Variants in UPF2 observed in about 807,000 individuals in gnomAD.
UPF2 encodes UPF2 regulator of nonsense mediated mRNA decay, also known as regulator of nonsense transcripts 2.
Under a neutral mutation model 141.4 loss-of-function variants are expected in UPF2, and 17 were observed. That is an observed-to-expected ratio of 0.12 (90% CI 0.08 to 0.18). UPF2 has a LOEUF of 0.18. Ranked by LOEUF, UPF2 falls within the 10% of genes least tolerant of loss-of-function variation. The pLI is 1.00. For synonymous variants in UPF2, 540 were observed against 498.0 expected (o/e 1.08, Z -1.12); for missense variants, 1,152 against 1,515.9 (o/e 0.76, Z 3.99).
intron 9 of UPF2, among the ~76,000 whole-genome samples, chr10:11,971,899 G>A (rs1321975454): frequency 2.6e-5 from 4 of 151,760 alleles, no homozygotes; most frequent in Non-Finnish European, 4.4e-5. Flanking sequence ...CCCTGTCTCT[G>A]CTAAAAGTAC....
intron 9 of UPF2, among the ~76,000 whole-genome samples, chr10:11,975,142 T>C (rs1380962257): frequency 1.3e-5 from 2 of 152,224 alleles, no homozygotes; most frequent in Non-Finnish European, 2.9e-5. Context: ...GCGCCTGTAG[T>C]CGTAGTTACT....
At chr10:11,938,060 C>T (rs1832876273) in intron 18 of UPF2, among the ~76,000 whole-genome samples, 1 of 152,122 alleles carries the variant, frequency 6.6e-6, no homozygotes, top group Non-Finnish European at 1.5e-5. Context: ...CAACTATTAA[C>T]AATGGAGTAT....
At chr10:11,937,432 T>C (rs1372580027) in intron 18 of UPF2, among the ~76,000 whole-genome samples, 1 of 152,216 alleles carries the variant, frequency 6.6e-6, no homozygotes, top group Non-Finnish European at 1.5e-5. Context: ...TGACTACCTG[T>C]ACCTGGCTGA....
At chr10:12,033,477 G>C (rs1173880497) in intron 2 of UPF2, among the ~76,000 whole-genome samples, 1 of 152,154 alleles carries the variant, frequency 6.6e-6, no homozygotes, top group African/African-American at 2.4e-5. Flanking sequence ...AGGCTGCAGT[G>C]AGCTGGCATT....
intron 3 of UPF2, among the ~76,000 whole-genome samples, chr10:12,020,078 T>G (rs1436622628): frequency 6.6e-6 from 1 of 152,000 alleles, no homozygotes; most frequent in Non-Finnish European, 1.5e-5. Context: ...AAAAAGCCAG[T>G]CAATTTTTGA....
chr10:12,036,882 G>A (rs1022189142), intron 1 of UPF2, among the ~76,000 whole-genome samples: 5 of 152,090 alleles, frequency 3.3e-5, no homozygotes, highest in African/African-American at 4.8e-5. Flanking sequence ...AAAATTAGAC[G>A]GGTATGGTGG....
intron 4 of UPF2, among the ~76,000 whole-genome samples, chr10:12,013,810 G>T (rs1834172409): frequency 6.6e-6 from 1 of 151,966 alleles, no homozygotes; most frequent in African/African-American, 2.4e-5. Context: ...ATGTTGCCCA[G>T]GCTGCTATCA....
chr10:11,983,134 T>A (rs1833627340), intron 8 of UPF2, among the ~76,000 whole-genome samples: 1 of 152,226 alleles, frequency 6.6e-6, no homozygotes, highest in African/African-American at 2.4e-5. Context: ...CACTCTTAAG[T>A]ATACTGTTAG....
At chr10:11,957,708 G>C (rs1178228039) in intron 12 of UPF2, among the ~76,000 whole-genome samples, 1 of 152,020 alleles carries the variant, frequency 6.6e-6, no homozygotes, top group Non-Finnish European at 1.5e-5. Flanking sequence ...GTAGAAATGA[G>C]GGTTTCGCCA....
At chr10:11,999,839 C>T (rs925484643) in intron 7 of UPF2, 67 bp downstream of exon 7, 3 of 1,266,172 alleles carry the variant, frequency 2.4e-6, no homozygotes, top group African/African-American at 3.0e-5. Context: ...AAACCATAGA[C>T]ATTCCTTATC....
intron 8 of UPF2, among the ~76,000 whole-genome samples, chr10:11,990,009 G>C (rs1833752934): frequency 6.6e-6 from 1 of 152,114 alleles, no homozygotes; most frequent in African/African-American, 2.4e-5. Flanking sequence ...CAATAAAGCT[G>C]AAAATAGTTT....
chr10:12,021,464 G>T (rs550819325), intron 3 of UPF2, among the ~76,000 whole-genome samples: 3 of 152,206 alleles, frequency 2.0e-5, no homozygotes, highest in African/African-American at 7.2e-5. Flanking sequence ...CGAGGCTGCA[G>T]TGAGCTATGA....
At chr10:11,955,080 A>T in intron 14 of UPF2, 152 bp downstream of exon 14, 2 of 724,948 alleles carry the variant, frequency 2.8e-6, no homozygotes, top group African/African-American at 3.7e-5. Context: ...ATATCTTTAA[A>T]TTTCCAAAAG....
intron 9 of UPF2, among the ~76,000 whole-genome samples, chr10:11,968,640 G>A (rs1037997705): frequency 6.6e-6 from 1 of 152,158 alleles, no homozygotes; most frequent in Admixed American, 6.5e-5. Context: ...CAAAGTTTAA[G>A]TCCTTTGCAC....
At chr10:12,038,619 C>T (rs1427667626) in intron 1 of UPF2, among the ~76,000 whole-genome samples, 3 of 151,766 alleles carry the variant, frequency 2.0e-5, no homozygotes, top group Admixed American at 2.0e-4. Flanking sequence ...ATCCCAGCTA[C>T]TCGGGAGGCT....
chr10:12,024,124 T>C (rs940428045), intron 3 of UPF2, among the ~76,000 whole-genome samples: 4 of 152,174 alleles, frequency 2.6e-5, no homozygotes, highest in Non-Finnish European at 4.4e-5. Context: ...GGAAGAACTA[T>C]TGCCCATTAT....
chr10:12,002,304 G>A (rs973899481), intron 5 of UPF2, among the ~76,000 whole-genome samples: 1 of 152,150 alleles, frequency 6.6e-6, no homozygotes, highest in Non-Finnish European at 1.5e-5. Flanking sequence ...CATTGAGAAC[G>A]AAGGCTATAT....
rs530811555 is a variant in UPF2, at chr10:11,936,851, C to T, written c.3379-139G>A. 3 of 778,996 alleles carry T rather than the reference C, an allele frequency of 3.9e-6. No homozygotes were observed. Among genetic ancestry groups the T allele is most frequent in the Non-Finnish European group, 5.7e-6 (3 of 524,652 alleles). 48.3% of individuals were successfully genotyped at this position (778,996 alleles called of 1,614,324 possible). A position where few individuals can be genotyped will look rare whatever the true frequency, so the allele number is the denominator to read the frequency against. On this transcript the variant is annotated intron_variant, in intron 18 of 21. Coordinates refer to ENST00000357604, the MANE Select transcript of UPF2 (RefSeq NM_015542.4). The surrounding 1 kb of genome is among the most constrained non-coding windows in gnomAD (Gnocchi z 6.6). Reference sequence around the variant, plus strand: ...AGCCATAACAGTCAACAATTACAACCACCATAATACTCTTTCTGAAACGTG... The same window carrying T: ...AGCCATAACAGTCAACAATTACAACTACCATAATACTCTTTCTGAAACGTG...
chr10:12,034,947 C>G, intron 2 of UPF2, 112 bp downstream of exon 2: 1 of 1,428,004 alleles, frequency 7.0e-7, no homozygotes, highest in Non-Finnish European at 9.3e-7. Context: ...TAAGATACTC[C>G]CAATTCTTAA....
Sources: gnomAD v4.1 joint callset for allele counts (sites outside exome capture counted in the v4.1 genomes callset) on GRCh38, gnomAD v4.1.1 for gene constraint, Gnocchi (gnomAD v3.1) non-coding constraint, MANE v1.5 for transcripts, NCBI Gene and HGNC (gene_info 2026-07-23, HGNC 2026-07-21) for gene names.